Variants in RIOX2 observed in about 807,000 individuals in gnomAD.
RIOX2 encodes 60S ribosomal protein L27a histidine hydroxylase.
Under a neutral mutation model 51.2 loss-of-function variants are expected in RIOX2, and 43 were observed. The ratio of observed to expected loss-of-function variants is 0.84; its 90% CI spans 0.66 to 1.08. The LOEUF (loss-of-function observed/expected upper bound fraction) is 1.08. Ranked by LOEUF, RIOX2 falls within the 50% of genes least tolerant of loss-of-function variation. The pLI is 0.00. For synonymous variants in RIOX2, 226 were observed against 218.5 expected (o/e 1.03, Z -0.30); for missense variants, 566 against 561.7 (o/e 1.01, Z -0.08).
At chr3:97,962,518 GA>G (rs1705725295) in intron 2 of RIOX2, among the ~76,000 whole-genome samples, 1 of 152,048 alleles carries the variant, frequency 6.6e-6, no homozygotes, top group Non-Finnish European at 1.5e-5. Context: ...AGACAGAGAA[GA>G]AATAACAGGC....
At chr3:97,947,863 A>G (rs988195928) in intron 7 of RIOX2, among the ~76,000 whole-genome samples, 18 of 152,174 alleles carry the variant, frequency 1.2e-4, no homozygotes, top group African/African-American at 4.3e-4. Context: ...GCACTACTCC[A>G]CCAATTATTA....
In RIOX2 at chr3:97,944,578, C is replaced by CTT. The variant is rs765116253; in HGVS notation, c.*604_*605dup. ...CACTATTTTGAGTATTTTTTATAGA[C>CTT]TTTAAATACTGGGTTTTTTTCCTCC... On this transcript the variant is annotated 3_prime_UTR_variant, in exon 10 of 10. Coordinates refer to ENST00000394198, the MANE Select transcript of RIOX2 (RefSeq NM_153182.4). The CTT allele has an allele frequency of 6.6e-6, 1 of 152,272 alleles. No individual in the cohort carries two copies. The highest frequency in any genetic ancestry group is 1.5e-5 in the Non-Finnish European group (1 of 67,892). 9.4% of individuals were successfully genotyped at this position (152,272 alleles called of 1,614,324 possible).
chr3:97,961,739 G>A (rs752988259), intron 2 of RIOX2, 31 bp from the exon 3 acceptor site: 61 of 1,557,786 alleles, frequency 3.9e-5, no homozygotes, highest in Non-Finnish European at 4.7e-5. Flanking sequence ...GAAAGGGTCG[G>A]CGTGGGGGAG....
rs1190021437 is a variant in RIOX2, at chr3:97,942,442, AGGT to A, written c.*2739_*2741del. The A allele has an allele frequency of 6.2e-7, 1 of 1,608,086 alleles. No individual in the cohort carries two copies. Among genetic ancestry groups the A allele is most frequent in the Non-Finnish European group, 8.5e-7 (1 of 1,176,624 alleles). The stretch of plus-strand genomic sequence containing the variant: ...GTGATCAACTTGTCCTTGATGTTAA[AGGT>A]GGGCCTTTGATGATACCCAATGTTG... On this transcript the variant is annotated 3_prime_UTR_variant, in exon 10 of 10. Transcript: ENST00000394198.
chr3:97,959,609 G>C (rs146392063), intron 3 of RIOX2, among the ~76,000 whole-genome samples: 1 of 152,100 alleles, frequency 6.6e-6, no homozygotes, highest in Non-Finnish European at 1.5e-5. Flanking sequence ...CACCACGCCT[G>C]GCCTAACAGC....
At chr3:97,968,086 T>A (rs1326492792) in intron 1 of RIOX2, among the ~76,000 whole-genome samples, 1 of 152,110 alleles carries the variant, frequency 6.6e-6, no homozygotes, top group Non-Finnish European at 1.5e-5. Context: ...AGAGAAAAAC[T>A]AACAGCCGCC....
At chr3:97,955,069 C>T (rs896949076) in intron 4 of RIOX2, among the ~76,000 whole-genome samples, 14 of 152,030 alleles carry the variant, frequency 9.2e-5, no homozygotes, top group African/African-American at 1.5e-4. Context: ...TGATTTTATC[C>T]GCCAGTCCCC....
At chr3:97,950,314 T>C (rs1207106428) in intron 6 of RIOX2, among the ~76,000 whole-genome samples, 1 of 152,232 alleles carries the variant, frequency 6.6e-6, no homozygotes, top group Non-Finnish European at 1.5e-5. Flanking sequence ...GTCACTGTCC[T>C]AAGATGAATG....
intron 2 of RIOX2, among the ~76,000 whole-genome samples, chr3:97,965,071 C>T (rs1027817014): frequency 7.9e-5 from 12 of 152,046 alleles, no homozygotes; most frequent in Non-Finnish European, 1.2e-4. Flanking sequence ...TCTGTTCTGA[C>T]GTTAATATGC....
chr3:97,943,153 G>C lies in RIOX2; in HGVS notation c.*2031C>G. 1 of 812,784 alleles carries C rather than the reference G, an allele frequency of 1.2e-6. No individual in the cohort carries two copies. The allele number at this position is 812,784 out of a possible 1,614,324, so 50.3% of individuals were successfully genotyped here. A position where few individuals can be genotyped will look rare whatever the true frequency, so the allele number is the denominator to read the frequency against. Reference sequence around the variant, plus strand: ...CACCGAAATGGTGAGCTGAACAGAAGCTTGTGAAAATTGTGAAATTGCTAA... The same window carrying C: ...CACCGAAATGGTGAGCTGAACAGAACCTTGTGAAAATTGTGAAATTGCTAA... On this transcript the variant is annotated 3_prime_UTR_variant, in exon 10 of 10. Transcript: ENST00000394198.
intron 2 of RIOX2, among the ~76,000 whole-genome samples, chr3:97,962,363 C>T (rs1209766835): frequency 2.5e-5 from 3 of 120,064 alleles, no homozygotes; most frequent in Admixed American, 8.4e-5. Flanking sequence ...AAGACCCCCC[C>T]CCCCCCCCCC....
chr3:97,946,013 T>G (rs1362737371), intron 8 of RIOX2, 126 bp from the exon 9 acceptor site: 13 of 663,452 alleles, frequency 2.0e-5, no homozygotes, highest in Non-Finnish European at 3.4e-5. Flanking sequence ...CAAGTGAAAT[T>G]TATTGAATAC....
In RIOX2 at chr3:97,972,419, G is replaced by A. The variant is rs1269834956; in HGVS notation, c.-78C>T. 1 of 151,134 alleles carries A rather than the reference G, an allele frequency of 6.6e-6. No homozygotes were observed. The highest frequency in any genetic ancestry group is 2.0e-4 in the East Asian group (1 of 5,066). The allele number at this position is 151,134 out of a possible 1,614,324, so 9.4% of individuals were successfully genotyped here. On this transcript the variant is annotated 5_prime_UTR_variant, in exon 1 of 10. In the 5' UTR this introduces an upstream ATG that the reference lacks. Coordinates refer to ENST00000394198, the MANE Select transcript of RIOX2 (RefSeq NM_153182.4). ...TTGCTCGCGGCCGCGAGCCCACTGC[G>A]TTGCGGCGCAGCGGCTGGAGGCGGG...
At position 97,967,210 on chromosome 3, in the gene RIOX2, A is replaced by C; in HGVS notation, c.384T>G (p.Phe128Leu). ...ACTGAATCGTTGCCCTTTTCTGATC[A>C]AAATCTTTTCTCAGCTGAAGAAAGT... is the stretch of plus-strand genomic sequence containing the variant. ...KAHFLQLRKDFDQKRATIQFH... is the reference protein window; with the variant it reads ...KAHFLQLRKDLDQKRATIQFH... Residue 128 changes from phenylalanine to leucine, a missense_variant, in exon 2 of 10, where the codon TTT becomes TTG. Phe to Leu is a conservative substitution (Grantham distance 22, BLOSUM62 0). Transcript: ENST00000394198. 6.2e-7 allele frequency: 1 copy of C among 1,614,214 alleles called. No homozygotes were observed. The highest frequency in any genetic ancestry group is 8.5e-7 in the Non-Finnish European group (1 of 1,180,042).
At position 97,942,679 on chromosome 3, in the gene RIOX2, C is replaced by G. The variant is rs1166386133; in HGVS notation, c.*2505G>C. On this transcript the variant is annotated 3_prime_UTR_variant, in exon 10 of 10. Coordinates refer to ENST00000394198, the MANE Select transcript of RIOX2 (RefSeq NM_153182.4). Reference sequence around the variant, plus strand: ...ACAGTTGTAAAACTTTCATTTGCTACGTGAACTCAGAACAGTTCTAAATTT... The same window carrying G: ...ACAGTTGTAAAACTTTCATTTGCTAGGTGAACTCAGAACAGTTCTAAATTT... 2.6e-6 allele frequency: 1 copy of G among 379,952 alleles called. No homozygotes were observed. The highest frequency in any genetic ancestry group is 6.0e-5 in the South Asian group (1 of 16,672). The allele number at this position is 379,952 out of a possible 1,614,324, so 23.5% of individuals were successfully genotyped here.
At chr3:97,963,671 T>A (rs953202474) in intron 2 of RIOX2, among the ~76,000 whole-genome samples, 5 of 152,124 alleles carry the variant, frequency 3.3e-5, no homozygotes, top group African/African-American at 1.2e-4. Context: ...GTATGAGAGG[T>A]CTTTCAGGAC....
chr3:97,945,187 G>T lies in RIOX2; in HGVS notation c.1395C>A (p.Val465=). 3 of 1,608,538 alleles carry T rather than the reference G, an allele frequency of 1.9e-6. No homozygotes were observed. Among genetic ancestry groups the T allele is most frequent in the Non-Finnish European group, 2.5e-6 (3 of 1,177,552 alleles). The change falls in exon 10 of 10, where the codon GTC becomes GTA. Residue 465 remains valine (V), a synonymous_variant. Transcript: ENST00000394198. ...SLWTECLIQV[V] ...GGCATTTGATTCTGCAAAGGCACTA[G>T]ACTACTTGAATTAAACATTCTGTCC...
At chr3:97,966,641 C>T (rs972601988) in intron 2 of RIOX2, among the ~76,000 whole-genome samples, 1 of 152,196 alleles carries the variant, frequency 6.6e-6, no homozygotes, top group Non-Finnish European at 1.5e-5. Context: ...CAATGTCACC[C>T]ATTCGGGTGT....
chr3:97,943,301 T>C lies in RIOX2; in HGVS notation c.*1883A>G, dbSNP rs762547156. 4.5e-6 allele frequency: 7 copies of C among 1,564,546 alleles called. No homozygotes were observed. Among genetic ancestry groups the C allele is most frequent in the South Asian group, 1.1e-5 (1 of 89,468 alleles). ...GGAGAAGAAACACAGAAATGGGACA[T>C]TGAAATATTGTGAGAGAATCAACAT... On this transcript the variant is annotated 3_prime_UTR_variant, in exon 10 of 10. Transcript: ENST00000394198.
Sources: allele counts gnomAD v4.1 joint callset (sites outside exome capture counted in the v4.1 genomes callset), GRCh38; gene constraint gnomAD v4.1.1; transcripts MANE v1.5; gene names NCBI Gene and HGNC (gene_info 2026-07-23, HGNC 2026-07-21).